ERCC6L2: variants seen among roughly 807,000 people sequenced by gnomAD.
ERCC6L2 encodes DNA excision repair protein ERCC-6-like 2.
ERCC6L2 carries 77 observed loss-of-function variants against 132.0 expected under a neutral mutation model. The observed-to-expected ratio is 0.58, with a 90% CI of 0.49 to 0.71. The LOEUF (loss-of-function observed/expected upper bound fraction) is 0.71, where lower values mean the gene tolerates loss of function less well. ERCC6L2 is among the 30% of genes least tolerant of loss of function. The pLI is 0.00. For synonymous variants in ERCC6L2, 583 were observed against 632.4 expected (o/e 0.92, Z 1.17); for missense variants, 1,542 against 1,837.6 (o/e 0.84, Z 2.94).
intron 11 of ERCC6L2, among the ~76,000 whole-genome samples, chr9:95,938,711 C>A (rs1247803908): frequency 6.6e-6 from 1 of 152,070 alleles, no homozygotes; most frequent in Non-Finnish European, 1.5e-5. Context: ...GCTGTGTCAT[C>A]ATATTTAAAG....
chr9:95,894,755 C>G (rs943569506), intron 2 of ERCC6L2, among the ~76,000 whole-genome samples: 1 of 151,932 alleles, frequency 6.6e-6, no homozygotes, highest in Non-Finnish European at 1.5e-5. Flanking sequence ...CCACCATGCC[C>G]AGCTAATTTT....
chr9:95,932,617 C>G (rs1461870897), intron 11 of ERCC6L2, among the ~76,000 whole-genome samples: 1 of 152,188 alleles, frequency 6.6e-6, no homozygotes. Context: ...AACATGGTAT[C>G]TCTTTATATT....
intron 9 of ERCC6L2, among the ~76,000 whole-genome samples, chr9:95,926,122 C>G (rs1271273972): frequency 6.6e-6 from 1 of 152,108 alleles, no homozygotes; most frequent in Non-Finnish European, 1.5e-5. Context: ...AACAAGAACC[C>G]CCATCTGCTG....
At chr9:95,955,679 A>G (rs1470424521) in intron 12 of ERCC6L2, among the ~76,000 whole-genome samples, 4 of 152,156 alleles carry the variant, frequency 2.6e-5, no homozygotes, top group Admixed American at 6.5e-5. Flanking sequence ...TGATGTTTAT[A>G]ACAAAAATGA....
rs2132514398 is a variant in ERCC6L2, at chr9:95,881,173, T to C, written c.351T>C (p.Tyr117=). ...KLSDNGDSIP[Y]TINRYLRDYQ... ...CTGACAATGGAGACTCTATTCCTTA[T>C]ACCATCAATAGGTATTTGAGAGACT... Residue 117 remains tyrosine (Y), a synonymous_variant, in exon 2 of 19, where the codon TAT becomes TAC. Coordinates refer to ENST00000653738, the MANE Select transcript of ERCC6L2 (RefSeq NM_020207.7). 2.5e-6 allele frequency: 4 copies of C among 1,613,612 alleles called. No individual in the cohort carries two copies. Among genetic ancestry groups the C allele is most frequent in the East Asian group, 4.5e-5 (2 of 44,864 alleles).
intron 2 of ERCC6L2, among the ~76,000 whole-genome samples, chr9:95,885,196 A>G (rs1827800307): frequency 6.6e-6 from 1 of 152,232 alleles, no homozygotes; most frequent in South Asian, 2.1e-4. Context: ...GAATGGTACA[A>G]TGAAAAGCCA....
chr9:95,897,263 A>T (rs1432571088), intron 2 of ERCC6L2, among the ~76,000 whole-genome samples: 1 of 152,178 alleles, frequency 6.6e-6, no homozygotes, highest in East Asian at 1.9e-4. Flanking sequence ...TCAAAGTCAA[A>T]TCAATTTAGT....
At chr9:96,001,271 A>G (rs189931444) in intron 17 of ERCC6L2, among the ~76,000 whole-genome samples, 463 of 152,276 alleles carry the variant, frequency 3.0e-3, no homozygotes, top group African/African-American at 8.6e-3. Flanking sequence ...CGGGTTGCCA[A>G]TGCTGGCTCG....
In ERCC6L2 at chr9:96,039,022, TC is replaced by T. The variant is rs1834549791; in HGVS notation, c.*1655del. The stretch of plus-strand genomic sequence containing the variant: ...GGAGATGAACCACCTTGGAGACAGC[TC>T]CCCCAGCCCCAACACACGCAGATGA... On this transcript the variant is annotated 3_prime_UTR_variant and NMD_transcript_variant, in exon 20 of 21. Coordinates refer to the ERCC6L2 transcript ENST00000670016. 6.9e-6 allele frequency: 3 copies of T among 433,322 alleles called. No individual in the cohort carries two copies. In the Admixed American group the frequency reaches 7.7e-5, roughly 11 times the overall value. 26.8% of individuals were successfully genotyped at this position (433,322 alleles called of 1,614,324 possible).
chr9:95,999,317 C>T (rs1228442552), intron 17 of ERCC6L2, among the ~76,000 whole-genome samples: 2 of 151,794 alleles, frequency 1.3e-5, no homozygotes, highest in East Asian at 1.9e-4. Flanking sequence ...GCCGAGATCA[C>T]GCCGCTGCAC....
At chr9:95,884,831 G>A (rs372379647) in intron 2 of ERCC6L2, among the ~76,000 whole-genome samples, 72 of 152,288 alleles carry the variant, frequency 4.7e-4, no homozygotes, top group Non-Finnish European at 9.6e-4. Flanking sequence ...ATATGGCTTC[G>A]AAAGGGAATA....
chr9:96,008,630 T>C (rs1833935605), intron 18 of ERCC6L2, among the ~76,000 whole-genome samples: 1 of 152,228 alleles, frequency 6.6e-6, no homozygotes, highest in African/African-American at 2.4e-5. Context: ...TCAATGAAAC[T>C]TCACATTATA....
intron 13 of ERCC6L2, among the ~76,000 whole-genome samples, chr9:95,960,339 T>C (rs540026055): frequency 6.6e-6 from 1 of 152,284 alleles, no homozygotes; most frequent in African/African-American, 2.4e-5. Flanking sequence ...TATAGCGGGC[T>C]GAATACTGGC....
At chr9:95,990,654 G>A (rs985435435) in intron 17 of ERCC6L2, among the ~76,000 whole-genome samples, 2 of 152,188 alleles carry the variant, frequency 1.3e-5, no homozygotes, top group African/African-American at 4.8e-5. Flanking sequence ...ATAGGAACAG[G>A]AGCGAACAAA....
chr9:95,945,240 G>A (rs974801716), intron 12 of ERCC6L2, among the ~76,000 whole-genome samples: 32 of 152,198 alleles, frequency 2.1e-4, no homozygotes, highest in African/African-American at 7.7e-4. Context: ...AAAGAATTCA[G>A]CGATATTTCT....
intron 2 of ERCC6L2, among the ~76,000 whole-genome samples, chr9:95,886,172 C>T (rs574011152): frequency 9.2e-5 from 14 of 151,980 alleles, no homozygotes; most frequent in Admixed American, 2.6e-4. Flanking sequence ...CTCACCACCA[C>T]GCCCAGCTAA....
intron 18 of ERCC6L2, among the ~76,000 whole-genome samples, chr9:96,006,497 G>A (rs1340180226): frequency 2.0e-5 from 3 of 152,144 alleles, no homozygotes; most frequent in Non-Finnish European, 2.9e-5. Flanking sequence ...AGCAGTGCGC[G>A]CGCCCTGGCG....
At chr9:96,010,556 C>T (rs1035558000) in intron 18 of ERCC6L2, among the ~76,000 whole-genome samples, 21 of 152,282 alleles carry the variant, frequency 1.4e-4, no homozygotes, top group African/African-American at 5.1e-4. Context: ...TGAACCAGGT[C>T]ATCTTGGACC....
At chr9:96,037,822 G>T (rs772863599) in intron 19 of ERCC6L2, among the ~76,000 whole-genome samples, 1 of 152,038 alleles carries the variant, frequency 6.6e-6, no homozygotes, top group Non-Finnish European at 1.5e-5. Context: ...GGAGCCAGAG[G>T]AGATGGGAAG....
Sources: gnomAD v4.1 joint callset for allele counts (sites outside exome capture counted in the v4.1 genomes callset) on GRCh38, gnomAD v4.1.1 for gene constraint, MANE v1.5 for transcripts, NCBI Gene and HGNC (gene_info 2026-07-23, HGNC 2026-07-21) for gene names.